ERBIN: variants seen among roughly 807,000 people sequenced by gnomAD.
ERBIN encodes the protein densin-180-like protein.
ERBIN carries 60 observed loss-of-function variants against 158.4 expected under a neutral mutation model. The ratio of observed to expected loss-of-function variants is 0.38; its 90% CI spans 0.31 to 0.47. The LOEUF (loss-of-function observed/expected upper bound fraction) is 0.47, where lower values mean the gene tolerates loss of function less well. Ranked by LOEUF, ERBIN falls within the 20% of genes least tolerant of loss-of-function variation. The pLI, the probability that ERBIN is intolerant of heterozygous loss-of-function variation, is 0.99. For missense variants in ERBIN, 1,610 were observed against 1,648.0 expected (o/e 0.98, Z 0.40); for synonymous variants, 594 against 557.2 (o/e 1.07, Z -0.93).
chr5:65,948,443 C>T (rs1034165307), intron 1 of ERBIN, among the ~76,000 whole-genome samples: 1 of 151,866 alleles, frequency 6.6e-6, no homozygotes, highest in Non-Finnish European at 1.5e-5. Context: ...TCCCAAAGTG[C>T]TGGGCTTTAA....
intron 2 of ERBIN, among the ~76,000 whole-genome samples, chr5:65,990,562 G>A (rs1212663972): frequency 2.0e-5 from 3 of 150,660 alleles, no homozygotes; most frequent in African/African-American, 5.0e-5. Flanking sequence ...GGAGGCTGAG[G>A]CAGGAGAATG....
At position 66,054,457 on chromosome 5, in the gene ERBIN, A is replaced by C; in HGVS notation, c.3139A>C (p.Arg1047=). 6.2e-7 allele frequency: 1 copy of C among 1,614,164 alleles called. No individual in the cohort carries two copies. The highest frequency in any genetic ancestry group is 8.5e-7 in the Non-Finnish European group (1 of 1,180,008). The change falls in exon 21 of 26, where the codon AGA becomes CGA. Residue 1047 remains arginine (R), a synonymous_variant. Coordinates refer to ENST00000284037, the MANE Select transcript of ERBIN (RefSeq NM_001253697.2). ...RANTAYHLHQ[R]LGPARHGEMW... ...TAATACTGCATACCATTTACATCAG[A>C]GACTTGGCCCAGCAAGACATGGGGA...
rs148121803 is a variant in ERBIN, at chr5:66,025,867, C to A, written c.910C>A (p.Leu304Met). Residue 304 changes from leucine to methionine, a missense_variant, in exon 12 of 26, where the codon CTG becomes ATG. Physicochemically the swap from Leu to Met is conservative, Grantham distance 15. This residue lies in a region of ERBIN where 596 missense variants were observed against 711.9 expected (regional missense o/e 0.84). Transcript: ENST00000284037. Reference protein sequence around the residue: ...SIGGLISVEELDCSFNEVEAL... With the variant: ...SIGGLISVEEMDCSFNEVEAL... Reference sequence around the variant, plus strand: ...TTAAAGGTTAATATCAGTAGAAGAACTGGATTGTAGTTTCAATGAAGTTGA... The same window carrying A: ...TTAAAGGTTAATATCAGTAGAAGAAATGGATTGTAGTTTCAATGAAGTTGA... 5.8e-6 allele frequency: 9 copies of A among 1,539,054 alleles called. No homozygotes were observed. In the South Asian group the frequency reaches 1.0e-4, roughly 17 times the overall value.
intron 7 of ERBIN, among the ~76,000 whole-genome samples, chr5:66,015,973 T>C (rs1754671288): frequency 6.6e-6 from 1 of 152,242 alleles, no homozygotes; most frequent in African/African-American, 2.4e-5. Context: ...TTAATGTATC[T>C]GTTTTTATTA....
chr5:65,948,438 A>C (rs1374605223), intron 1 of ERBIN, among the ~76,000 whole-genome samples: 1 of 151,846 alleles, frequency 6.6e-6, no homozygotes, highest in African/African-American at 2.4e-5. Context: ...CAGCATCCCA[A>C]AGTGCTGGGC....
chr5:65,971,069 C>T (rs1381542893), intron 1 of ERBIN, among the ~76,000 whole-genome samples: 1 of 152,116 alleles, frequency 6.6e-6, no homozygotes, highest in Non-Finnish European at 1.5e-5. Context: ...TGACTGATTC[C>T]TTTTGTTATT....
intron 4 of ERBIN, among the ~76,000 whole-genome samples, chr5:66,011,798 T>A (rs1304058362): frequency 6.6e-6 from 1 of 152,194 alleles, no homozygotes; most frequent in Non-Finnish European, 1.5e-5. Flanking sequence ...TAGAAGGCAC[T>A]AATTTTCAGA....
intron 25 of ERBIN, among the ~76,000 whole-genome samples, 200 bp downstream of exon 25, chr5:66,077,149 T>TC (rs1479592243): frequency 3.7e-5 from 4 of 107,498 alleles, no homozygotes; most frequent in Non-Finnish European, 7.3e-5. Flanking sequence ...AGACTCTGTC[T>TC]CAAAAAAAAA....
At chr5:65,977,967 G>GAGAGGT (rs2151006984) in intron 1 of ERBIN, among the ~76,000 whole-genome samples, 1 of 152,062 alleles carries the variant, frequency 6.6e-6, no homozygotes, top group African/African-American at 2.4e-5. Context: ...AGGGGAGAGG[G>GAGAGGT]AGAGGGAGAG....
chr5:65,939,424 G>A (rs138037016), intron 1 of ERBIN, among the ~76,000 whole-genome samples: 22 of 152,224 alleles, frequency 1.4e-4, no homozygotes, highest in African/African-American at 5.1e-4. Flanking sequence ...GCAACAGGAT[G>A]AGACTCCATC....
At chr5:66,068,667 G>A (rs1761245044) in intron 21 of ERBIN, among the ~76,000 whole-genome samples, 1 of 152,108 alleles carries the variant, frequency 6.6e-6, no homozygotes, top group Non-Finnish European at 1.5e-5. Flanking sequence ...ACATGTGAAT[G>A]GTTGTATTTA....
chr5:66,051,576 A>G (rs1271009713), intron 20 of ERBIN, among the ~76,000 whole-genome samples: 3 of 152,298 alleles, frequency 2.0e-5, no homozygotes, highest in East Asian at 1.9e-4. Context: ...TTACTCTATC[A>G]GCTAAACTCT....
intron 15 of ERBIN, among the ~76,000 whole-genome samples, chr5:66,039,396 G>C (rs1186529407): frequency 6.6e-6 from 1 of 151,810 alleles, no homozygotes; most frequent in Admixed American, 6.6e-5. Flanking sequence ...CAATTATCTA[G>C]TATATTGCAT....
chr5:66,007,138 G>C (rs1056611790), intron 4 of ERBIN, among the ~76,000 whole-genome samples: 38 of 152,172 alleles, frequency 2.5e-4, no homozygotes, highest in African/African-American at 8.7e-4. Context: ...TGGAACCAAC[G>C]CAAATGTCCA....
chr5:65,943,555 T>C (rs1372144632), intron 1 of ERBIN, among the ~76,000 whole-genome samples: 1 of 152,250 alleles, frequency 6.6e-6, no homozygotes, highest in Non-Finnish European at 1.5e-5. Context: ...GTCATTGCTC[T>C]ACAGCTCTTA....
intron 21 of ERBIN, among the ~76,000 whole-genome samples, chr5:66,071,116 G>A (rs1277722707): frequency 6.6e-6 from 1 of 152,146 alleles, no homozygotes; most frequent in Admixed American, 6.5e-5. Context: ...CACTTTGGGA[G>A]GCCGAGGCAG....
rs574154824 is a variant in ERBIN, at chr5:65,952,909, G to A, written c.-58+26103G>A. Among the ~76,000 whole-genome samples the A allele has an allele frequency of 7.9e-5, 12 of 152,188 alleles. No homozygotes were observed. In the South Asian group the frequency reaches 2.5e-3, roughly 32 times the overall value. ...GAGTACAAATGGAGTGTCACATACC[G>A]TACGTCTAATTTAAAAGTTATAAAT... On this transcript the variant is annotated intron_variant, in intron 1 of 25. Transcript: ENST00000284037.
intron 1 of ERBIN, among the ~76,000 whole-genome samples, chr5:65,958,190 G>A (rs1660822675): frequency 6.6e-6 from 1 of 152,146 alleles, no homozygotes; most frequent in Non-Finnish European, 1.5e-5. Flanking sequence ...CGGCCAGGCA[G>A]AGACGCTCCT....
At chr5:66,023,437 T>C in intron 9 of ERBIN, 73 bp downstream of exon 9, 2 of 864,468 alleles carry the variant, frequency 2.3e-6, no homozygotes, top group Non-Finnish European at 1.8e-6. Context: ...TTGTACCTTT[T>C]ATAATTACTT....
Sources: gnomAD v4.1 joint callset for allele counts (sites outside exome capture counted in the v4.1 genomes callset) on GRCh38, gnomAD v4.1.1 for gene constraint, gnomAD v4.1.1 regional missense constraint, MANE v1.5 for transcripts, NCBI Gene and HGNC (gene_info 2026-07-23, HGNC 2026-07-21) for gene names.